IGSF11: variants seen among roughly 807,000 people sequenced by gnomAD.
IGSF11 encodes the protein CXADR like 1.
A neutral mutation model predicts 41.0 loss-of-function variants in IGSF11; 22 were observed. The ratio of observed to expected loss-of-function variants is 0.54; its 90% CI spans 0.38 to 0.77. The LOEUF (loss-of-function observed/expected upper bound fraction) is 0.77. IGSF11 is among the 30% of genes least tolerant of loss of function. The pLI is 0.00. For synonymous variants in IGSF11, 219 were observed against 201.3 expected (o/e 1.09, Z -0.74); for missense variants, 444 against 530.8 (o/e 0.84, Z 1.61).
intron 1 of IGSF11, among the ~76,000 whole-genome samples, chr3:119,125,371 G>C (rs903287994): frequency 6.6e-6 from 1 of 152,124 alleles, no homozygotes. Flanking sequence ...CCGAGAAAGG[G>C]GTCTGCAAAG....
At chr3:119,033,013 A>C (rs9809009) in intron 1 of IGSF11, among the ~76,000 whole-genome samples, 4,690 of 152,300 alleles carry the variant, frequency 0.031, 226 homozygotes, top group African/African-American at 0.11. Flanking sequence ...GAAGTCTTTA[A>C]AAACATTTTT....
At chr3:119,077,048 G>C (rs2076511712) in intron 1 of IGSF11, among the ~76,000 whole-genome samples, 1 of 152,198 alleles carries the variant, frequency 6.6e-6, no homozygotes, top group Non-Finnish European at 1.5e-5. Flanking sequence ...ACTGGATTAA[G>C]AAAATGTGGC....
chr3:119,120,843 C>G (rs1395711097), intron 1 of IGSF11, among the ~76,000 whole-genome samples: 1 of 152,274 alleles, frequency 6.6e-6, no homozygotes, highest in Admixed American at 6.5e-5. Context: ...TCCTAGTTTA[C>G]GTAACTATGA....
chr3:119,043,297 G>A (rs535579995), intron 1 of IGSF11, among the ~76,000 whole-genome samples: 2 of 152,146 alleles, frequency 1.3e-5, no homozygotes, highest in Admixed American at 1.3e-4. Context: ...GCTCTCAGGC[G>A]ATAGATGACT....
At chr3:119,123,620 C>T (rs9820781) in intron 1 of IGSF11, among the ~76,000 whole-genome samples, 2,541 of 152,230 alleles carry the variant, frequency 0.017, 75 homozygotes, top group African/African-American at 0.058. Flanking sequence ...CACAGGGCTG[C>T]TTCTGTCATC....
intron 6 of IGSF11, among the ~76,000 whole-genome samples, chr3:118,903,995 G>A (rs1367997418): frequency 6.6e-6 from 1 of 152,180 alleles, no homozygotes; most frequent in Non-Finnish European, 1.5e-5. Context: ...AAAGTGAGCT[G>A]AGAGTGATGA....
chr3:119,144,747 A>G (rs1021372942), intron 1 of IGSF11, among the ~76,000 whole-genome samples: 4 of 152,238 alleles, frequency 2.6e-5, no homozygotes, highest in African/African-American at 9.6e-5. Context: ...ATACCTATAG[A>G]TATAGACACA....
intron 1 of IGSF11, among the ~76,000 whole-genome samples, chr3:118,940,950 T>C (rs1255048432): frequency 1.3e-5 from 2 of 150,776 alleles, no homozygotes; most frequent in Non-Finnish European, 3.0e-5. Context: ...TTTAATACTT[T>C]ATATAAAAAT....
At chr3:118,975,239 G>T (rs969517677) in intron 1 of IGSF11, among the ~76,000 whole-genome samples, 4 of 151,852 alleles carry the variant, frequency 2.6e-5, no homozygotes, top group African/African-American at 9.7e-5. Context: ...CCAAATATAT[G>T]TTTTTTAAAA....
intron 1 of IGSF11, among the ~76,000 whole-genome samples, chr3:118,967,413 C>T (rs1181134172): frequency 6.6e-6 from 1 of 152,100 alleles, no homozygotes; most frequent in African/African-American, 2.4e-5. Flanking sequence ...ATTAACTCTT[C>T]AAAACAAAAT....
intron 4 of IGSF11, among the ~76,000 whole-genome samples, chr3:118,906,494 A>G (rs990381160): frequency 6.6e-6 from 1 of 152,200 alleles, no homozygotes; most frequent in African/African-American, 2.4e-5. Flanking sequence ...TTAGGCCCTA[A>G]CCCTAACCCT....
intron 1 of IGSF11, among the ~76,000 whole-genome samples, chr3:118,948,904 G>A (rs572426973): frequency 8.8e-4 from 133 of 151,380 alleles, no homozygotes; most frequent in South Asian, 7.1e-3. Flanking sequence ...CCCAGGAGGC[G>A]GAGCTTGCAG....
intron 1 of IGSF11, among the ~76,000 whole-genome samples, chr3:119,111,096 T>C (rs968102699): frequency 6.6e-6 from 1 of 152,148 alleles, no homozygotes; most frequent in African/African-American, 2.4e-5. Context: ...GAGGAGTATC[T>C]TTATGGCGTT....
intron 1 of IGSF11, among the ~76,000 whole-genome samples, chr3:119,045,264 TG>T (rs1430044922): frequency 5.3e-5 from 8 of 152,124 alleles, no homozygotes; most frequent in Non-Finnish European, 8.8e-5. Context: ...CGCCAGACAG[TG>T]GGCGCAGGTC....
At chr3:119,130,172 A>G (rs994767817) in intron 1 of IGSF11, among the ~76,000 whole-genome samples, 2 of 152,238 alleles carry the variant, frequency 1.3e-5, no homozygotes, top group African/African-American at 4.8e-5. Flanking sequence ...TGCATTTCCA[A>G]CTGAGATACC....
At chr3:119,087,224 A>G (rs2076689899) in intron 1 of IGSF11, among the ~76,000 whole-genome samples, 1 of 152,236 alleles carries the variant, frequency 6.6e-6, no homozygotes, top group Non-Finnish European at 1.5e-5. Flanking sequence ...CAATCCCACT[A>G]GTAGGTATCT....
At chr3:119,027,576 C>T (rs550316335) in intron 1 of IGSF11, among the ~76,000 whole-genome samples, 1 of 152,234 alleles carries the variant, frequency 6.6e-6, no homozygotes, top group Admixed American at 6.5e-5. Context: ...GTCATAAAAA[C>T]ATTTATGTCA....
chr3:119,126,582 G>A (rs1388138432), intron 1 of IGSF11, among the ~76,000 whole-genome samples: 2 of 152,184 alleles, frequency 1.3e-5, no homozygotes, highest in East Asian at 3.9e-4. Context: ...CACTCCAACA[G>A]GGGTTGTCAG....
intron 4 of IGSF11, among the ~76,000 whole-genome samples, chr3:118,916,970 G>A (rs1202500745): frequency 2.6e-5 from 4 of 152,146 alleles, no homozygotes; most frequent in East Asian, 1.9e-4. Context: ...AAACTGCTCA[G>A]CTACATGGAA....
Sources: gnomAD v4.1 joint callset for allele counts (sites outside exome capture counted in the v4.1 genomes callset) on GRCh38, gnomAD v4.1.1 for gene constraint, MANE v1.5 for transcripts, NCBI Gene and HGNC (gene_info 2026-07-23, HGNC 2026-07-21) for gene names.